WDFY3: variants seen among roughly 807,000 people sequenced by gnomAD.
WDFY3 encodes WD repeat and FYVE domain containing 3, also known as WD repeat and FYVE domain-containing protein 3.
Under a neutral mutation model 409.6 loss-of-function variants are expected in WDFY3, and 66 were observed. The observed-to-expected ratio is 0.16, with a 90% CI of 0.13 to 0.20. The LOEUF (loss-of-function observed/expected upper bound fraction) is 0.20, where lower values mean the gene tolerates loss of function less well. Among genes scored for constraint, WDFY3 ranks in the 10% least tolerant of loss-of-function variants. The pLI is 1.00. For missense variants in WDFY3, 3,031 were observed against 4,298.1 expected, an observed-to-expected ratio of 0.71 and a Z score of 8.24; for synonymous variants, 1,521 against 1,537.1, an observed-to-expected ratio of 0.99 and a Z score of 0.25.
intron 2 of WDFY3, among the ~76,000 whole-genome samples, chr4:84,898,156 G>A (rs1228182150): frequency 6.6e-6 from 1 of 152,164 alleles, no homozygotes; most frequent in Non-Finnish European, 1.5e-5. Context: ...CACTTTTGAA[G>A]TGCTCAACAG....
chr4:84,779,499 G>A (rs142580788), intron 26 of WDFY3, among the ~76,000 whole-genome samples: 73 of 151,644 alleles, frequency 4.8e-4, no homozygotes, highest in Non-Finnish European at 7.7e-4. Flanking sequence ...TGCAGCCTCC[G>A]CCTTCCAGGT....
chr4:84,883,645 T>C (rs371550636), intron 3 of WDFY3, among the ~76,000 whole-genome samples: 3 of 152,298 alleles, frequency 2.0e-5, no homozygotes, highest in East Asian at 3.9e-4. Context: ...GGATTAAGCA[T>C]ACCTAGCTGT....
intron 11 of WDFY3, 123 bp from the exon 12 acceptor site, chr4:84,820,309 T>C: frequency 1.5e-6 from 1 of 663,932 alleles, no homozygotes; most frequent in Non-Finnish European, 2.3e-6. Context: ...AGGACAGATA[T>C]AATATAATCT....
intron 10 of WDFY3, among the ~76,000 whole-genome samples, chr4:84,822,892 C>A (rs530117417): frequency 6.6e-6 from 1 of 152,214 alleles, no homozygotes; most frequent in Admixed American, 6.5e-5. Flanking sequence ...GTCTATCAGT[C>A]TATCTAAGTT....
intron 2 of WDFY3, among the ~76,000 whole-genome samples, chr4:84,907,379 A>G (rs1469853837): frequency 3.3e-5 from 5 of 152,216 alleles, no homozygotes; most frequent in Admixed American, 3.3e-4. Context: ...AAGGAAGCCA[A>G]CTTCCACATT....
intron 1 of WDFY3, among the ~76,000 whole-genome samples, chr4:84,950,513 C>G (rs773175987): frequency 4.6e-5 from 7 of 151,892 alleles, no homozygotes; most frequent in African/African-American, 1.7e-4. Flanking sequence ...TAATTTTAGG[C>G]GGGCAAGGTG....
intron 3 of WDFY3, among the ~76,000 whole-genome samples, chr4:84,873,475 C>T (rs891860256): frequency 1.1e-4 from 17 of 152,052 alleles, no homozygotes; most frequent in Admixed American, 3.9e-4. Flanking sequence ...GCATAAAATG[C>T]AGCAAAAGCT....
At chr4:84,718,920 C>A (rs1734401807) in intron 47 of WDFY3, among the ~76,000 whole-genome samples, 1 of 152,168 alleles carries the variant, frequency 6.6e-6, no homozygotes, top group African/African-American at 2.4e-5. Context: ...GGAATTGAGG[C>A]ATACATGTAA....
chr4:84,831,904 A>G (rs1477213573), intron 7 of WDFY3, among the ~76,000 whole-genome samples: 1 of 152,186 alleles, frequency 6.6e-6, no homozygotes, highest in Non-Finnish European at 1.5e-5. Context: ...GTAAATTAGT[A>G]CAGCCATTAT....
At chr4:84,847,790 C>CAA (rs78361102) in intron 5 of WDFY3, among the ~76,000 whole-genome samples, 6 of 82,874 alleles carry the variant, frequency 7.2e-5, no homozygotes, top group African/African-American at 1.3e-4. Context: ...AAAAAAAAAC[C>CAA]AAAAAAAAAA....
At chr4:84,739,320 C>T (rs983361397) in intron 39 of WDFY3, 1 of 550,118 alleles carries the variant, frequency 1.8e-6, no homozygotes, top group Admixed American at 3.1e-5. Context: ...TGTAATTAGA[C>T]TGATCTATAG....
In WDFY3 at chr4:84,821,381, C is replaced by T. The variant is rs957042356; in HGVS notation, c.1294G>A (p.Glu432Lys). ...ESQHTLSQFA[E>K]KISKLPEVQN... is the part of the protein sequence containing the mutation. ...ACTTCTGGGAGTTTAGAAATCTTCT[C>T]TGCAAACTGTGACAATGTGTGCTGT... The change falls in exon 11 of 68, where the codon GAG becomes AAG. Residue 432 changes from glutamate to lysine, a missense_variant. Around this residue, in one of 16 missense-constraint regions of WDFY3, gnomAD observed 1,322 missense variants for 1,697.9 expected, o/e 0.78. Transcript: ENST00000295888. The T allele has an allele frequency of 6.2e-7, 1 of 1,613,808 alleles. No individual in the cohort carries two copies. Among genetic ancestry groups the T allele is most frequent in the Non-Finnish European group, 8.5e-7 (1 of 1,179,898 alleles).
In WDFY3 at chr4:84,945,016, T is replaced by G. The variant is rs556449505; in HGVS notation, c.-225-12653A>C. On this transcript the variant is annotated intron_variant, in intron 1 of 67. Transcript: ENST00000295888. ...GAGATTCTCAGAATAGCTACTTGAA[T>G]GAACCTCTCACAACAGGGTCACAGC... Among the ~76,000 whole-genome samples, 4 of 152,296 alleles carry G rather than the reference T, an allele frequency of 2.6e-5. No homozygotes were observed. In the East Asian group the frequency reaches 7.7e-4, roughly 29 times the overall value.
chr4:84,806,622 T>G (rs1751551055), intron 15 of WDFY3, among the ~76,000 whole-genome samples: 1 of 152,200 alleles, frequency 6.6e-6, no homozygotes, highest in Non-Finnish European at 1.5e-5. Context: ...TGATGTATTT[T>G]TGGAAATGGA....
chr4:84,795,541 C>T (rs901330708), intron 19 of WDFY3, among the ~76,000 whole-genome samples: 9 of 152,206 alleles, frequency 5.9e-5, no homozygotes, highest in Admixed American at 2.0e-4. Flanking sequence ...GTGGGCAGAT[C>T]ACTTGAGGTC....
chr4:84,855,330 C>A (rs1165596749), intron 4 of WDFY3, among the ~76,000 whole-genome samples: 1 of 152,162 alleles, frequency 6.6e-6, no homozygotes, highest in Non-Finnish European at 1.5e-5. Context: ...TCAAACTGTG[C>A]ATGAACCCTA....
intron 2 of WDFY3, among the ~76,000 whole-genome samples, chr4:84,931,266 C>G (rs1039548914): frequency 1.3e-5 from 2 of 152,118 alleles, no homozygotes; most frequent in African/African-American, 4.8e-5. Context: ...AGAGAACAGT[C>G]TTTAAAACAA....
intron 3 of WDFY3, among the ~76,000 whole-genome samples, chr4:84,880,684 T>C (rs1358941323): frequency 1.3e-3 from 34 of 25,764 alleles, no homozygotes; most frequent in Non-Finnish European, 2.3e-3. Context: ...CATATATATA[T>C]ATATATATAT....
chr4:84,772,919 A>G lies in WDFY3; in HGVS notation c.4765T>C (p.Phe1589Leu). ...SSNDLLRFGQ[F>L]ISSTLPTFAV... ...AAGGTTGGCAAAGTAGAAGAAATAA[A>G]CTGCCCAAATCTTTAAACAAAGGAA... is the stretch of plus-strand genomic sequence containing the variant. Residue 1589 changes from phenylalanine to leucine, a missense_variant, in exon 30 of 68, where the codon TTT becomes CTT. By Grantham distance (22) the Phe-to-Leu change is conservative (BLOSUM62 0). Transcript: ENST00000295888. 2 of 1,604,572 alleles carry G rather than the reference A, an allele frequency of 1.2e-6. No individual in the cohort carries two copies. The highest frequency in any genetic ancestry group is 1.3e-5 in the African/African-American group (1 of 74,456).
Sources: gnomAD v4.1 joint callset for allele counts (sites outside exome capture counted in the v4.1 genomes callset) on GRCh38, gnomAD v4.1.1 for gene constraint, gnomAD v4.1.1 regional missense constraint, MANE v1.5 for transcripts, NCBI Gene and HGNC (gene_info 2026-07-23, HGNC 2026-07-21) for gene names.